Variants in AGR3 observed in about 807,000 individuals in gnomAD.
The protein encoded by AGR3 is anterior gradient 3, protein disulphide isomerase family member.
In AGR3, 37 loss-of-function variants were observed where a neutral mutation model predicts 24.5. The ratio of observed to expected loss-of-function variants is 1.51; its 90% CI spans 1.16 to 1.99. AGR3 has a LOEUF of 1.99. Ranked by LOEUF, AGR3 falls within the 30% of genes most tolerant of loss-of-function variation. The pLI is 0.00. For synonymous variants in AGR3, 75 were observed against 61.6 expected, an observed-to-expected ratio of 1.22 and a Z score of -1.02; for missense variants, 228 against 191.1, an observed-to-expected ratio of 1.19 and a Z score of -1.14.
chr7:16,877,677 C>A (rs1397339815), intron 2 of AGR3, among the ~76,000 whole-genome samples: 1 of 151,850 alleles, frequency 6.6e-6, no homozygotes, highest in African/African-American at 2.4e-5. Flanking sequence ...TCCTGGCTAA[C>A]ACGGTGAAAC....
chr7:16,875,006 C>T (rs1339052774), intron 2 of AGR3, among the ~76,000 whole-genome samples: 1 of 151,648 alleles, frequency 6.6e-6, no homozygotes, highest in Admixed American at 6.6e-5. Context: ...GTCCCAGCTA[C>T]TCGGGAGGCT....
At chr7:16,870,865 C>G (rs977982155) in intron 3 of AGR3, among the ~76,000 whole-genome samples, 2 of 152,080 alleles carry the variant, frequency 1.3e-5, no homozygotes, top group Non-Finnish European at 2.9e-5. Context: ...TTTTCTAATG[C>G]TTGTCCAATA....
chr7:16,875,737 T>C (rs1483402432), intron 2 of AGR3, among the ~76,000 whole-genome samples: 1 of 152,088 alleles, frequency 6.6e-6, no homozygotes, highest in Non-Finnish European at 1.5e-5. Context: ...AACATTTTTG[T>C]TTTTTGTTTT....
chr7:16,856,457 C>G (rs1781556492), downstream of AGR3, among the ~76,000 whole-genome samples: 1 of 152,018 alleles, frequency 6.6e-6, no homozygotes, highest in East Asian at 1.9e-4. Flanking sequence ...CATAAATAAC[C>G]AATACATTTT....
At chr7:16,867,365 C>T (rs1781777511) in intron 3 of AGR3, among the ~76,000 whole-genome samples, 5 of 151,976 alleles carry the variant, frequency 3.3e-5, no homozygotes, top group Admixed American at 3.3e-4. Context: ...TGTCAACTAC[C>T]TATCAATAAT....
chr7:16,874,452 C>T (rs1781947219), intron 2 of AGR3, among the ~76,000 whole-genome samples: 1 of 151,946 alleles, frequency 6.6e-6, no homozygotes, highest in Non-Finnish European at 1.5e-5. Flanking sequence ...AGAGAGAACC[C>T]ATTAGCCTTA....
At chr7:16,872,486 C>T (rs2115311044) in intron 3 of AGR3, among the ~76,000 whole-genome samples, 1 of 152,288 alleles carries the variant, frequency 6.6e-6, no homozygotes, top group East Asian at 1.9e-4. Context: ...GAATGTAAGA[C>T]CCCAAACTAT....
chr7:16,873,907 T>A, intron 2 of AGR3, 64 bp from the exon 3 acceptor site: 1 of 1,210,290 alleles, frequency 8.3e-7, no homozygotes, highest in Non-Finnish European at 1.2e-6. Context: ...GAAATGGGTA[T>A]CTAATAATCA....
chr7:16,865,265 T>C, intron 3 of AGR3: 1 of 942,758 alleles, frequency 1.1e-6, no homozygotes, highest in Non-Finnish European at 1.7e-6. Context: ...ATAAGTTGTT[T>C]TCTCCTTTTG....
downstream of AGR3, among the ~76,000 whole-genome samples, chr7:16,854,901 G>C (rs58672255): frequency 6.6e-6 from 1 of 151,982 alleles, no homozygotes; most frequent in Admixed American, 6.6e-5. Context: ...GCATGTCTCT[G>C]TATCCAAATT....
At chr7:16,860,619 T>G (rs765763580) in intron 6 of AGR3, 36 bp from the exon 7 acceptor site, 4 of 1,440,912 alleles carry the variant, frequency 2.8e-6, no homozygotes, top group Non-Finnish European at 2.9e-6. Context: ...AAAGTATAAT[T>G]TAGCATGTTC....
intron 1 of AGR3, among the ~76,000 whole-genome samples, chr7:16,880,104 C>T (rs200365815): frequency 6.8e-4 from 78 of 115,050 alleles, no homozygotes; most frequent in African/African-American, 1.2e-3. Flanking sequence ...TCCTTCCTTC[C>T]TTCTTTCCTT....
chr7:16,878,405 A>C, intron 2 of AGR3, 105 bp downstream of exon 2: 3 of 927,038 alleles, frequency 3.2e-6, no homozygotes, highest in Non-Finnish European at 4.9e-6. Flanking sequence ...AAAATCATTC[A>C]GTTAGTTGAA....
chr7:16,881,349 A>G (rs1184575463), intron 1 of AGR3, among the ~76,000 whole-genome samples: 2 of 152,208 alleles, frequency 1.3e-5, no homozygotes, highest in Non-Finnish European at 2.9e-5. Context: ...TTCTGTGACA[A>G]AGCAGTACAA....
chr7:16,872,660 G>A lies in AGR3; in HGVS notation c.173+1120C>T, dbSNP rs534445370. 9.9e-4 allele frequency among the ~76,000 whole-genome samples: 150 copies of A among 152,140 alleles called. 1 individual carries two copies. In the Middle Eastern group the frequency reaches 0.014, roughly 14 times the overall value. Reference sequence around the variant, plus strand: ...ACAGCAAAGGAAACAAAAGCATAAGGGGACAAACTGTAGAATAGGAGAAAT... The same window carrying A: ...ACAGCAAAGGAAACAAAAGCATAAGAGGACAAACTGTAGAATAGGAGAAAT... On this transcript the variant is annotated intron_variant, in intron 3 of 7. Transcript: ENST00000310398.
intron 3 of AGR3, chr7:16,865,838 T>TGAACAAGA (rs1781748781): frequency 1.3e-6 from 1 of 742,506 alleles, no homozygotes. Context: ...CTCTTGTACT[T>TGAACAAGA]GAATACCATT....
chr7:16,877,403 A>G (rs1782007504), intron 2 of AGR3, among the ~76,000 whole-genome samples: 1 of 150,418 alleles, frequency 6.6e-6, no homozygotes, highest in South Asian at 2.1e-4. Context: ...ATTCAAAACT[A>G]GCAGTATTAC....
intron 1 of AGR3, among the ~76,000 whole-genome samples, chr7:16,879,102 A>G (rs1305574702): frequency 2.0e-5 from 3 of 152,242 alleles, no homozygotes; most frequent in African/African-American, 7.2e-5. Flanking sequence ...AAGATTATAC[A>G]TGAATAAATA....
intron 1 of AGR3, among the ~76,000 whole-genome samples, chr7:16,881,182 T>A (rs1782110441): frequency 6.6e-6 from 1 of 152,248 alleles, no homozygotes; most frequent in African/African-American, 2.4e-5. Context: ...TCATTTTTGC[T>A]ATTTTAAAGC....
Sources: allele counts gnomAD v4.1 joint callset (sites outside exome capture counted in the v4.1 genomes callset), GRCh38; gene constraint gnomAD v4.1.1; transcripts MANE v1.5; gene names NCBI Gene and HGNC (gene_info 2026-07-23, HGNC 2026-07-21).